Variants in UNC5C observed in about 807,000 individuals in gnomAD.
UNC5C encodes the protein netrin receptor UNC5C.
UNC5C carries 47 observed loss-of-function variants against 99.8 expected under a neutral mutation model. That is an observed-to-expected ratio of 0.47 (90% CI 0.37 to 0.60). The LOEUF (loss-of-function observed/expected upper bound fraction) is 0.60. UNC5C is among the 20% of genes least tolerant of loss of function. The pLI, the probability that UNC5C is intolerant of heterozygous loss-of-function variation, is 0.00. For missense variants in UNC5C, 1,062 were observed against 1,165.9 expected, an observed-to-expected ratio of 0.91 and a Z score of 1.30; for synonymous variants, 487 against 452.2, an observed-to-expected ratio of 1.08 and a Z score of -0.98.
chr4:95,361,069 A>C (rs928978498), intron 1 of UNC5C, among the ~76,000 whole-genome samples: 2 of 152,134 alleles, frequency 1.3e-5, no homozygotes, highest in African/African-American at 2.4e-5. Context: ...CATTTTCCCA[A>C]AGTTTGAGAG....
intron 12 of UNC5C, among the ~76,000 whole-genome samples, chr4:95,199,342 C>T (rs1319127011): frequency 3.9e-5 from 6 of 151,994 alleles, no homozygotes; most frequent in South Asian, 2.1e-4. Flanking sequence ...ATTGTCTCTT[C>T]GGTATGTTGG....
chr4:95,532,160 T>C (rs1321337983), intron 1 of UNC5C, among the ~76,000 whole-genome samples: 1 of 152,254 alleles, frequency 6.6e-6, no homozygotes, highest in East Asian at 1.9e-4. Flanking sequence ...TCTTCATTAG[T>C]TAATAGTCCC....
intron 1 of UNC5C, among the ~76,000 whole-genome samples, chr4:95,382,345 C>A (rs894219950): frequency 6.6e-6 from 1 of 151,586 alleles, no homozygotes; most frequent in Non-Finnish European, 1.5e-5. Flanking sequence ...TAGTGGCATG[C>A]GCATGTACTC....
At chr4:95,172,297 G>T (rs1736152610) in intron 14 of UNC5C, among the ~76,000 whole-genome samples, 2 of 151,536 alleles carry the variant, frequency 1.3e-5, no homozygotes, top group Middle Eastern at 6.8e-3. Flanking sequence ...TGGTGTTTTA[G>T]ACATGAAGTC....
chr4:95,286,904 T>G (rs1395786941), intron 3 of UNC5C, among the ~76,000 whole-genome samples: 1 of 152,194 alleles, frequency 6.6e-6, no homozygotes, highest in Non-Finnish European at 1.5e-5. Flanking sequence ...TGTCAGCTAC[T>G]TAAAACTTTA....
intron 2 of UNC5C, among the ~76,000 whole-genome samples, 192 bp downstream of exon 2, chr4:95,335,218 G>T (rs1411755836): frequency 6.6e-6 from 1 of 151,902 alleles, no homozygotes; most frequent in Non-Finnish European, 1.5e-5. Flanking sequence ...AGCAAGTCAA[G>T]ATTTATTCAC....
chr4:95,312,049 AAAAC>A (rs752059068), intron 2 of UNC5C, among the ~76,000 whole-genome samples: 3 of 152,140 alleles, frequency 2.0e-5, no homozygotes, highest in Admixed American at 6.6e-5. Context: ...CCAATCTCAA[AAAAC>A]AAACAAACAA....
intron 1 of UNC5C, among the ~76,000 whole-genome samples, chr4:95,503,433 TG>T (rs1721831342): frequency 6.6e-6 from 1 of 152,188 alleles, no homozygotes; most frequent in African/African-American, 2.4e-5. Flanking sequence ...TCTTCAAGTT[TG>T]TAATTATTGG....
chr4:95,386,226 T>G (rs890578352), intron 1 of UNC5C, among the ~76,000 whole-genome samples: 1 of 152,162 alleles, frequency 6.6e-6, no homozygotes, highest in African/African-American at 2.4e-5. Flanking sequence ...TTTTTTTCTT[T>G]TATTATTATA....
At chr4:95,239,764 G>C (rs181787055) in intron 7 of UNC5C, among the ~76,000 whole-genome samples, 1 of 152,000 alleles carries the variant, frequency 6.6e-6, no homozygotes, top group Admixed American at 6.6e-5. Flanking sequence ...TGTATTAAGC[G>C]CTTAACAAGG....
At chr4:95,410,473 A>C (rs1745949220) in intron 1 of UNC5C, among the ~76,000 whole-genome samples, 1 of 152,172 alleles carries the variant, frequency 6.6e-6, no homozygotes, top group Non-Finnish European at 1.5e-5. Context: ...AAAATACCCC[A>C]TTATTTTTCA....
rs562024327 is a variant in UNC5C, at chr4:95,284,814, G to A, written c.491-6452C>T. 3.3e-4 allele frequency among the ~76,000 whole-genome samples: 50 copies of A among 152,236 alleles called. No individual in the cohort carries two copies. In the South Asian group the frequency reaches 1.0e-2, roughly 30 times the overall value. ...TCCAAAACAGTGTGGAAGAAAGCCT[G>A]TCATGCCAATGTGCGTATTTACAAA... On this transcript the variant is annotated intron_variant, in intron 3 of 15. Coordinates refer to ENST00000453304, the MANE Select transcript of UNC5C (RefSeq NM_003728.4).
At chr4:95,403,623 T>A (rs115350625) in intron 1 of UNC5C, among the ~76,000 whole-genome samples, 3,626 of 152,332 alleles carry the variant, frequency 0.024, 155 homozygotes, top group African/African-American at 0.082. Context: ...TCCATATTCG[T>A]AGCAGCTACA....
rs1451413539 is a variant in UNC5C at position 95,301,594 on chromosome 4, A to G, written c.490+12T>C. The G allele has an allele frequency of 1.1e-5, 17 of 1,613,832 alleles. No homozygotes were observed. Among genetic ancestry groups the G allele is most frequent in the Non-Finnish European group, 1.4e-5 (16 of 1,179,928 alleles). ...TTCTGAGACCCAAGGTGCTTATTGT[A>G]CAATGACTCACATGCAATGCGCACA... On this transcript the variant is annotated intron_variant, in intron 3 of 15. Coordinates refer to ENST00000453304, the MANE Select transcript of UNC5C (RefSeq NM_003728.4).
Position 95,202,831 on chromosome 4 carries a change from G to A in UNC5C, c.2036C>T (p.Ala679Val), listed in dbSNP as rs61736724. 6.4e-4 allele frequency: 1,041 copies of A among 1,614,224 alleles called. 7 individuals are homozygous for A. In the African/African-American group the frequency reaches 0.012, roughly 19 times the overall value. The change falls in exon 12 of 16, where the codon GCG becomes GTG. Residue 679 changes from alanine (A) to valine (V), a missense_variant. Physicochemically the swap from Ala to Val is moderately conservative, Grantham distance 64. Around this residue, in one of 3 missense-constraint regions of UNC5C, gnomAD observed 810 missense variants for 854.5 expected, o/e 0.95. Transcript: ENST00000453304. ...LVGHSTTKAAAKRLKLAIFGP... is the reference protein window; with the variant it reads ...LVGHSTTKAAVKRLKLAIFGP... ...AAAGATGGCCAGCTTGAGGCGCTTC[G>A]CAGCCGCTTTGGTGGTGGAATGTCC...
chr4:95,401,538 C>T (rs993712650), intron 1 of UNC5C, among the ~76,000 whole-genome samples: 23 of 152,060 alleles, frequency 1.5e-4, no homozygotes, highest in Admixed American at 6.5e-4. Context: ...AACTGCTGGG[C>T]AAGTAATCCT....
intron 12 of UNC5C, among the ~76,000 whole-genome samples, chr4:95,197,902 G>A (rs756932723): frequency 1.3e-5 from 2 of 151,852 alleles, no homozygotes; most frequent in Non-Finnish European, 2.9e-5. Flanking sequence ...GTGTGGAAGC[G>A]AGTTTGCTGC....
At chr4:95,293,798 G>A (rs909370235) in intron 3 of UNC5C, among the ~76,000 whole-genome samples, 9 of 151,996 alleles carry the variant, frequency 5.9e-5, no homozygotes, top group African/African-American at 2.2e-4. Flanking sequence ...TTAATCTCCC[G>A]TTGCTCTCAA....
chr4:95,311,798 C>G (rs191615510), intron 2 of UNC5C, among the ~76,000 whole-genome samples: 3 of 152,246 alleles, frequency 2.0e-5, no homozygotes, highest in Non-Finnish European at 4.4e-5. Flanking sequence ...AATTCCAGAG[C>G]TTTGGGAGGC....
Sources: gnomAD v4.1 joint callset for allele counts (sites outside exome capture counted in the v4.1 genomes callset) on GRCh38, gnomAD v4.1.1 for gene constraint, gnomAD v4.1.1 regional missense constraint, MANE v1.5 for transcripts, NCBI Gene and HGNC (gene_info 2026-07-23, HGNC 2026-07-21) for gene names.